PARD3B: variants seen among roughly 807,000 people sequenced by gnomAD.
PARD3B encodes the protein partitioning defective 3 homolog B.
A neutral mutation model predicts 130.2 loss-of-function variants in PARD3B; 103 were observed. That is an observed-to-expected ratio of 0.79 (90% confidence interval 0.67 to 0.93). The LOEUF (loss-of-function observed/expected upper bound fraction) is 0.93, where lower values mean the gene tolerates loss of function less well. PARD3B is among the 40% of genes least tolerant of loss of function. The probability of loss-of-function intolerance (pLI) is 0.00; values close to 1 mark genes in which losing one functional copy is unlikely to be tolerated. For synonymous variants in PARD3B, 583 were observed against 553.2 expected, an observed-to-expected ratio of 1.05 and a Z score of -0.76; for missense variants, 1,609 against 1,499.2, an observed-to-expected ratio of 1.07 and a Z score of -1.21.
At chr2:205,215,781 T>C (rs1454401834) in intron 15 of PARD3B, among the ~76,000 whole-genome samples, 1 of 152,004 alleles carries the variant, frequency 6.6e-6, no homozygotes, top group Admixed American at 6.6e-5. Flanking sequence ...CTAAAAATTA[T>C]CCTACCAAAA....
At chr2:204,714,372 C>G (rs1042373317) in intron 2 of PARD3B, among the ~76,000 whole-genome samples, 2 of 152,118 alleles carry the variant, frequency 1.3e-5, no homozygotes, top group Admixed American at 6.6e-5. Context: ...TCATGAATTT[C>G]ATGTTCTTGT....
At position 205,125,624 on chromosome 2, in the gene PARD3B, G is replaced by A; in HGVS notation, c.1321G>A (p.Val441Ile). ...DRILEVNGRDVTGRTQEELVA... is the reference protein window; with the variant it reads ...DRILEVNGRDITGRTQEELVA... ...TATTCATTAGGTAAATGGGAGAGAT[G>A]TCACCGGACGAACCCAGGAAGAGCT... The change falls in exon 10 of 23, where the codon GTC (valine) becomes ATC (isoleucine). Residue 441 changes from valine to isoleucine, a missense_variant. Physicochemically the swap from Val to Ile is conservative, Grantham distance 29. Transcript: ENST00000406610. The surrounding 1 kb of genome is among the most constrained non-coding windows in gnomAD (Gnocchi z 4.0). 1.9e-6 allele frequency: 3 copies of A among 1,614,074 alleles called. No homozygotes were observed. The highest frequency in any genetic ancestry group is 1.7e-6 in the Non-Finnish European group (2 of 1,179,994).
intron 21 of PARD3B, among the ~76,000 whole-genome samples, chr2:205,539,337 T>G (rs1256302217): frequency 1.3e-5 from 2 of 152,338 alleles, no homozygotes; most frequent in East Asian, 1.9e-4. Flanking sequence ...AAACCCTGTA[T>G]GAATATAGTA....
At chr2:204,952,829 C>T (rs532702989) in intron 2 of PARD3B, among the ~76,000 whole-genome samples, 1 of 151,776 alleles carries the variant, frequency 6.6e-6, no homozygotes, top group South Asian at 2.1e-4. Context: ...AAACCCACCT[C>T]TACTAAAAAT....
At chr2:204,754,412 CTG>C (rs2040584723) in intron 2 of PARD3B, among the ~76,000 whole-genome samples, 1 of 152,134 alleles carries the variant, frequency 6.6e-6, no homozygotes, top group Non-Finnish European at 1.5e-5. Context: ...TGAGCACTGT[CTG>C]TCAATAGCTT....
At chr2:205,118,806 A>G (rs559482130) in intron 6 of PARD3B, 115 bp from the exon 7 acceptor site, 20 of 809,898 alleles carry the variant, frequency 2.5e-5, no homozygotes, top group Non-Finnish European at 3.6e-5. Context: ...CTGAATATAA[A>G]GTAAAATTTC....
At chr2:205,602,757 CTTCT>C (rs2054839149) in intron 22 of PARD3B, among the ~76,000 whole-genome samples, 1 of 152,062 alleles carries the variant, frequency 6.6e-6, no homozygotes, top group African/African-American at 2.4e-5. Context: ...GTCTTCTTTT[CTTCT>C]TTATTAGTCT....
At chr2:204,731,538 A>G (rs907126679) in intron 2 of PARD3B, among the ~76,000 whole-genome samples, 3 of 152,192 alleles carry the variant, frequency 2.0e-5, no homozygotes, top group Admixed American at 2.0e-4. Context: ...AGACCCGTTT[A>G]GGAGTTTATT....
intron 3 of PARD3B, among the ~76,000 whole-genome samples, chr2:204,978,961 G>A (rs1692423682): frequency 8.6e-6 from 1 of 115,664 alleles, no homozygotes; most frequent in Admixed American, 8.9e-5. Flanking sequence ...TGAGACCCTG[G>A]CCTCAAAAAA....
intron 2 of PARD3B, among the ~76,000 whole-genome samples, chr2:204,835,827 T>C (rs2044010827): frequency 6.6e-6 from 1 of 152,208 alleles, no homozygotes; most frequent in Admixed American, 6.5e-5. Context: ...GTTAAATGAT[T>C]GTGTCCAACT....
chr2:204,818,877 C>T (rs977398018), intron 2 of PARD3B, among the ~76,000 whole-genome samples: 30 of 152,126 alleles, frequency 2.0e-4, no homozygotes, highest in African/African-American at 7.2e-4. Context: ...GAAGATCAAA[C>T]ACTTTTTTCA....
chr2:205,351,881 T>C lies in PARD3B; in HGVS notation c.2631-49132T>C, dbSNP rs1040545110. The stretch of plus-strand genomic sequence containing the variant: ...TGACAGCTTCTGAGGGATCTGTTTG[T>C]ATACATAACATCCCAGTGTCTTTCT... On this transcript the variant is annotated intron_variant, in intron 18 of 22. Transcript: ENST00000406610. The surrounding 1 kb of genome is among the most constrained non-coding windows in gnomAD (Gnocchi z 4.2). Among the ~76,000 whole-genome samples the C allele has an allele frequency of 2.0e-5, 3 of 152,080 alleles. No individual in the cohort carries two copies. Among genetic ancestry groups the C allele is most frequent in the African/African-American group, 7.2e-5 (3 of 41,382 alleles).
intron 10 of PARD3B, among the ~76,000 whole-genome samples, chr2:205,136,583 T>G (rs73982707): frequency 0.035 from 5,359 of 152,316 alleles, 188 homozygotes; most frequent in African/African-American, 0.09. Context: ...TTGAAAGAGC[T>G]GGCTTTCACC....
intron 13 of PARD3B, among the ~76,000 whole-genome samples, chr2:205,184,599 A>G (rs1437175235): frequency 6.6e-6 from 1 of 151,970 alleles, no homozygotes; most frequent in African/African-American, 2.4e-5. Flanking sequence ...AAAATTAGCC[A>G]GGCGTGGTGG....
intron 16 of PARD3B, among the ~76,000 whole-genome samples, chr2:205,270,545 T>C (rs914212782): frequency 3.3e-5 from 5 of 151,256 alleles, no homozygotes; most frequent in Non-Finnish European, 7.4e-5. Flanking sequence ...CCAGCCTGTG[T>C]GACAGAGTGA....
At chr2:205,336,258 A>G (rs78659803) in intron 18 of PARD3B, among the ~76,000 whole-genome samples, 525 of 152,356 alleles carry the variant, frequency 3.4e-3, no homozygotes, top group African/African-American at 0.012. Flanking sequence ...TGTGATTATC[A>G]TACCATTTGA....
intron 20 of PARD3B, among the ~76,000 whole-genome samples, chr2:205,456,514 T>C (rs2048281971): frequency 1.3e-5 from 2 of 152,120 alleles, no homozygotes; most frequent in South Asian, 4.1e-4. Context: ...AGTGTACTGT[T>C]AGCTATAAGT....
At position 205,294,497 on chromosome 2, in the gene PARD3B, T is replaced by G. The variant is rs111407887; in HGVS notation, c.2186-6033T>G. Among the ~76,000 whole-genome samples, 473 of 152,242 alleles carry G rather than the reference T, an allele frequency of 3.1e-3. 2 individuals are homozygous for G. Among genetic ancestry groups the G allele is most frequent in the African/African-American group, 0.011 (461 of 41,556 alleles). ...AAGAAGGAATTTTTAGTAAAGAAAATTAAAGTATATAGCAATACTTGGCAA... is the reference window on the plus strand; with the variant it reads ...AAGAAGGAATTTTTAGTAAAGAAAAGTAAAGTATATAGCAATACTTGGCAA... On this transcript the variant is annotated intron_variant, in intron 16 of 22. Transcript: ENST00000406610.
At chr2:204,936,767 A>C (rs1366511911) in intron 2 of PARD3B, among the ~76,000 whole-genome samples, 1 of 152,240 alleles carries the variant, frequency 6.6e-6, no homozygotes, top group Non-Finnish European at 1.5e-5. Context: ...ACCATGATTA[A>C]CTGACAAGAT....
Sources: allele counts gnomAD v4.1 joint callset (sites outside exome capture counted in the v4.1 genomes callset), GRCh38; gene constraint gnomAD v4.1.1; non-coding constraint Gnocchi (gnomAD v3.1); transcripts MANE v1.5; gene names NCBI Gene and HGNC (gene_info 2026-07-23, HGNC 2026-07-21).